The following CACNA2D3 variants were observed in gnomAD, a reference collection of about 807,000 sequenced individuals.
CACNA2D3 encodes the protein voltage-dependent calcium channel subunit alpha-2/delta-3.
In CACNA2D3, 60 loss-of-function variants were observed where a neutral mutation model predicts 160.6. The observed-to-expected ratio is 0.37, with a 90% CI of 0.30 to 0.46. The LOEUF is 0.46. Among genes scored for constraint, CACNA2D3 ranks in the 20% least tolerant of loss-of-function variants. CACNA2D3 has a pLI of 1.00. For synonymous variants in CACNA2D3, 558 were observed against 492.9 expected (o/e 1.13, Z -1.75); for missense variants, 1,205 against 1,365.0 (o/e 0.88, Z 1.85).
At chr3:54,987,453 A>G (rs2107107985) in intron 30 of CACNA2D3, among the ~76,000 whole-genome samples, 1 of 152,274 alleles carries the variant, frequency 6.6e-6, no homozygotes, top group East Asian at 1.9e-4. Context: ...AGCATTCAGC[A>G]TGGGTTACGC....
chr3:54,718,850 C>T (rs781395486), intron 11 of CACNA2D3, among the ~76,000 whole-genome samples: 17 of 151,992 alleles, frequency 1.1e-4, no homozygotes, highest in Admixed American at 4.6e-4. Flanking sequence ...TAATATTTTG[C>T]AGTTTCTGTG....
intron 31 of CACNA2D3, among the ~76,000 whole-genome samples, chr3:54,999,205 T>TA (rs1702925611): frequency 6.6e-6 from 1 of 152,300 alleles, no homozygotes; most frequent in South Asian, 2.1e-4. Context: ...TGATGACTGA[T>TA]ACGAGCAGGA....
At chr3:54,734,617 T>G (rs1701460068) in intron 11 of CACNA2D3, among the ~76,000 whole-genome samples, 1 of 152,186 alleles carries the variant, frequency 6.6e-6, no homozygotes. Flanking sequence ...TTGGGGATGC[T>G]CGAAGCATCT....
At chr3:54,519,287 G>A (rs180751950) in intron 5 of CACNA2D3, among the ~76,000 whole-genome samples, 3 of 152,344 alleles carry the variant, frequency 2.0e-5, no homozygotes, top group Non-Finnish European at 2.9e-5. Flanking sequence ...TGACTTCTTA[G>A]CAAGGCAGGG....
chr3:54,808,667 C>T (rs551390636), intron 13 of CACNA2D3, among the ~76,000 whole-genome samples: 3 of 152,090 alleles, frequency 2.0e-5, no homozygotes, highest in Non-Finnish European at 4.4e-5. Flanking sequence ...AGATAATGAA[C>T]ATAAAGAGAT....
rs557352783 is a variant in CACNA2D3 at position 54,918,922 on chromosome 3, C to T, written c.2449+19054C>T. The T allele has an allele frequency of 2.7e-6, 4 of 1,505,224 alleles. No homozygotes were observed. In the South Asian group the frequency reaches 5.4e-5, roughly 20 times the overall value. 93.2% of individuals were successfully genotyped at this position (1,505,224 alleles called of 1,614,324 possible). A position where few individuals can be genotyped will look rare whatever the true frequency, so the allele number is the denominator to read the frequency against. On this transcript the variant is annotated intron_variant, in intron 27 of 37. Transcript: ENST00000474759. ...AAAAAACAAAAGCAAAGAACAATAA[C>T]AAAGCCTTGATACAACAGAGTTCCA...
chr3:54,903,318 G>A (rs541308518), intron 27 of CACNA2D3, among the ~76,000 whole-genome samples: 3 of 152,248 alleles, frequency 2.0e-5, no homozygotes, highest in Non-Finnish European at 2.9e-5. Context: ...TTGGTTTTCT[G>A]TTCCTGCATT....
At chr3:54,759,885 C>T (rs369232645) in intron 12 of CACNA2D3, among the ~76,000 whole-genome samples, 3 of 152,146 alleles carry the variant, frequency 2.0e-5, no homozygotes, top group African/African-American at 7.2e-5. Flanking sequence ...AACCTGGATT[C>T]GAATTCATCC....
chr3:54,921,031 T>A (rs980327003), intron 27 of CACNA2D3, among the ~76,000 whole-genome samples: 1 of 152,084 alleles, frequency 6.6e-6, no homozygotes, highest in Non-Finnish European at 1.5e-5. Context: ...GGGATGCAAC[T>A]CCCACTCTCC....
At chr3:55,012,672 G>T (rs1028646043) in intron 34 of CACNA2D3, among the ~76,000 whole-genome samples, 1 of 152,078 alleles carries the variant, frequency 6.6e-6, no homozygotes, top group Non-Finnish European at 1.5e-5. Flanking sequence ...GGGGGAGGAG[G>T]GTTCTTATTA....
At chr3:54,919,695 A>C (rs190933743) in intron 27 of CACNA2D3, among the ~76,000 whole-genome samples, 39 of 152,320 alleles carry the variant, frequency 2.6e-4, no homozygotes, top group Admixed American at 2.4e-3. Flanking sequence ...TTACTCTTTG[A>C]CTTTGGGAAA....
At chr3:54,179,002 G>T (rs1403680303) in intron 2 of CACNA2D3, among the ~76,000 whole-genome samples, 1 of 152,074 alleles carries the variant, frequency 6.6e-6, no homozygotes, top group Non-Finnish European at 1.5e-5. Flanking sequence ...ATGTGAGTTG[G>T]TGGCTGACAG....
At chr3:54,568,968 C>T (rs766437807) in intron 6 of CACNA2D3, among the ~76,000 whole-genome samples, 2 of 152,186 alleles carry the variant, frequency 1.3e-5, no homozygotes, top group African/African-American at 4.8e-5. Context: ...CCTGCGAAAA[C>T]GATATTTCTG....
At chr3:54,656,189 G>A (rs1248165061) in intron 11 of CACNA2D3, among the ~76,000 whole-genome samples, 1 of 152,252 alleles carries the variant, frequency 6.6e-6, no homozygotes, top group Non-Finnish European at 1.5e-5. Context: ...AGAGGATACA[G>A]ACTTGGCATG....
chr3:54,246,037 C>G (rs1243166389), intron 2 of CACNA2D3, among the ~76,000 whole-genome samples: 1 of 152,138 alleles, frequency 6.6e-6, no homozygotes, highest in Admixed American at 6.5e-5. Context: ...CCCTTATAAT[C>G]CTCATTTAGT....
At chr3:54,291,463 G>A (rs1309363220) in intron 2 of CACNA2D3, among the ~76,000 whole-genome samples, 1 of 152,048 alleles carries the variant, frequency 6.6e-6, no homozygotes, top group Admixed American at 6.6e-5. Context: ...TGGTGAAAGC[G>A]CAAATCACAG....
intron 5 of CACNA2D3, among the ~76,000 whole-genome samples, chr3:54,549,508 C>T (rs1357943833): frequency 2.0e-5 from 3 of 152,176 alleles, no homozygotes; most frequent in Admixed American, 6.5e-5. Context: ...TGCCCCCGTT[C>T]CCTTTTTCAA....
At chr3:54,604,756 C>A (rs1385670869) in intron 9 of CACNA2D3, among the ~76,000 whole-genome samples, 1 of 152,182 alleles carries the variant, frequency 6.6e-6, no homozygotes, top group Non-Finnish European at 1.5e-5. Flanking sequence ...CCTTCCCCAG[C>A]CCCCACTTGA....
At chr3:54,355,907 T>C (rs1003583508) in intron 3 of CACNA2D3, among the ~76,000 whole-genome samples, 1 of 152,186 alleles carries the variant, frequency 6.6e-6, no homozygotes, top group African/African-American at 2.4e-5. Context: ...AGCCAAGCTC[T>C]TCACTGACCT....
Sources: allele counts gnomAD v4.1 joint callset (sites outside exome capture counted in the v4.1 genomes callset), GRCh38; gene constraint gnomAD v4.1.1; transcripts MANE v1.5; gene names NCBI Gene and HGNC (gene_info 2026-07-23, HGNC 2026-07-21).